CBFA2T2: variants seen among roughly 807,000 people sequenced by gnomAD.
CBFA2T2 encodes the protein CBFA2/RUNX1 partner transcriptional co-repressor 2.
Under a neutral mutation model 62.2 loss-of-function variants are expected in CBFA2T2, and 11 were observed. That is an observed-to-expected ratio of 0.18 (90% CI 0.11 to 0.29). The LOEUF (loss-of-function observed/expected upper bound fraction) is 0.29, where lower values mean the gene tolerates loss of function less well. CBFA2T2 is among the 10% of genes least tolerant of loss of function. CBFA2T2 has a pLI of 1.00. For missense variants in CBFA2T2, 592 were observed against 774.1 expected (o/e 0.76, Z 2.79); for synonymous variants, 295 against 287.5 (o/e 1.03, Z -0.27).
intron 1 of CBFA2T2, among the ~76,000 whole-genome samples, chr20:33,524,518 C>G (rs969011968): frequency 2.0e-5 from 3 of 152,074 alleles, no homozygotes; most frequent in African/African-American, 4.8e-5. Flanking sequence ...TTTCTTGGAA[C>G]TTGCCTAGAT....
chr20:33,582,850 G>A (rs1255649497), intron 1 of CBFA2T2, among the ~76,000 whole-genome samples: 1 of 152,062 alleles, frequency 6.6e-6, no homozygotes. Flanking sequence ...CCTGAGGCAG[G>A]AGAATCACTT....
intron 1 of CBFA2T2, among the ~76,000 whole-genome samples, chr20:33,583,166 A>G (rs935846412): frequency 6.6e-6 from 1 of 152,182 alleles, no homozygotes; most frequent in Non-Finnish European, 1.5e-5. Context: ...CAGAATGTGC[A>G]TTGTTTTTAT....
intron 1 of CBFA2T2, among the ~76,000 whole-genome samples, chr20:33,526,018 A>G (rs2011875677): frequency 6.6e-6 from 1 of 152,140 alleles, no homozygotes; most frequent in Admixed American, 6.6e-5. Context: ...GCCTTCAAGT[A>G]TAATGCTGAA....
In CBFA2T2 at chr20:33,648,663, C is replaced by T. The variant is rs1223571392; in HGVS notation, c.*4017C>T. 4 of 152,194 alleles carry T rather than the reference C, an allele frequency of 2.6e-5. No individual in the cohort carries two copies. The highest frequency in any genetic ancestry group is 9.7e-5 in the African/African-American group (4 of 41,442). 9.4% of individuals were successfully genotyped at this position (152,194 alleles called of 1,614,324 possible). A position where few individuals can be genotyped will look rare whatever the true frequency, so the allele number is the denominator to read the frequency against. ...TGCGTAGATTATTTCTAGGGCAGTGCTGGGTTAGAAATGTCTGTCTGGAAA... is the reference window on the plus strand; with the variant it reads ...TGCGTAGATTATTTCTAGGGCAGTGTTGGGTTAGAAATGTCTGTCTGGAAA... On this transcript the variant is annotated 3_prime_UTR_variant, in exon 11 of 11. Transcript: ENST00000342704.
chr20:33,557,930 G>A (rs1020044769), intron 1 of CBFA2T2, among the ~76,000 whole-genome samples: 11 of 151,392 alleles, frequency 7.3e-5, no homozygotes, highest in Admixed American at 5.9e-4. Flanking sequence ...CCGCCTACTG[G>A]GTTCAAGTGA....
chr20:33,494,246 TATATATATATATATATATATATATA>T (rs1289962291), intron 1 of CBFA2T2, among the ~76,000 whole-genome samples: 2 of 21,128 alleles, frequency 9.5e-5, no homozygotes, highest in African/African-American at 2.8e-4. Context: ...TATATGTGTA[TATATATATATATATATATATATATA>T]TATTTTTTTT....
At chr20:33,492,983 CCT>C (rs1233677201) in intron 1 of CBFA2T2, among the ~76,000 whole-genome samples, 2 of 151,358 alleles carry the variant, frequency 1.3e-5, no homozygotes, top group African/African-American at 4.9e-5. Context: ...GGGCTCCTGA[CCT>C]CAAGTGATCT....
At chr20:33,615,633 A>G (rs549892772) in intron 3 of CBFA2T2, among the ~76,000 whole-genome samples, 1 of 152,238 alleles carries the variant, frequency 6.6e-6, no homozygotes, top group Admixed American at 6.5e-5. Context: ...AACAAAAATA[A>G]TTAGAGTCTT....
At chr20:33,490,462 C>G (rs2011138262) in intron 1 of CBFA2T2, among the ~76,000 whole-genome samples, 161 bp downstream of exon 1, 1 of 152,118 alleles carries the variant, frequency 6.6e-6, no homozygotes, top group Non-Finnish European at 1.5e-5. Context: ...CGGGCCTTCC[C>G]GGGCTCCTGA....
intron 1 of CBFA2T2, among the ~76,000 whole-genome samples, chr20:33,529,319 C>T (rs1390439882): frequency 6.6e-6 from 1 of 152,086 alleles, no homozygotes; most frequent in Non-Finnish European, 1.5e-5. Flanking sequence ...GCCACCGCGC[C>T]CAGTGCACCA....
intron 7 of CBFA2T2, 27 bp downstream of exon 7, chr20:33,628,462 CCTAA>C (rs2016332668): frequency 6.7e-7 from 1 of 1,484,348 alleles, no homozygotes; most frequent in African/African-American, 1.4e-5. Flanking sequence ...GTGTAATGTC[CCTAA>C]CTCTTTATTA....
At chr20:33,519,477 A>G (rs1414182091) in intron 1 of CBFA2T2, among the ~76,000 whole-genome samples, 1 of 152,048 alleles carries the variant, frequency 6.6e-6, no homozygotes, top group Non-Finnish European at 1.5e-5. Context: ...CTCAGAAAAT[A>G]AATAAATTAT....
intron 1 of CBFA2T2, among the ~76,000 whole-genome samples, chr20:33,519,749 C>T (rs2011679645): frequency 6.6e-6 from 1 of 152,090 alleles, no homozygotes; most frequent in Non-Finnish European, 1.5e-5. Flanking sequence ...TCTTCATTTT[C>T]AGCAGCAGGG....
intron 1 of CBFA2T2, among the ~76,000 whole-genome samples, chr20:33,524,588 A>T (rs1020739901): frequency 6.6e-6 from 1 of 152,110 alleles, no homozygotes; most frequent in African/African-American, 2.4e-5. Context: ...TTTTGTTGCA[A>T]TTTATTTTTA....
chr20:33,560,108 G>T (rs2013034813), intron 1 of CBFA2T2, among the ~76,000 whole-genome samples: 1 of 152,264 alleles, frequency 6.6e-6, no homozygotes, highest in East Asian at 1.9e-4. Context: ...TAATTCTGAG[G>T]TGCCTTAGTT....
At chr20:33,623,683 A>C (rs2016089816) in intron 5 of CBFA2T2, 4 of 648,358 alleles carry the variant, frequency 6.2e-6, no homozygotes, top group Non-Finnish European at 1.1e-5. Flanking sequence ...CAACCTCCCA[A>C]AGTGCTGGGA....
In CBFA2T2 at chr20:33,534,751, CTTTTTT is replaced by C. The variant is rs11167206; in HGVS notation, c.34+44466_34+44471del. On this transcript the variant is annotated intron_variant, in intron 1 of 10. Coordinates refer to ENST00000342704, the MANE Select transcript of CBFA2T2 (RefSeq NM_001032999.3). ...AAAAAGATTTTTTGTATCTTTTTAG[CTTTTTT>C]TTTTTTTTTTTTTTTGAGCAGTCAG... Among the ~76,000 whole-genome samples the C allele has an allele frequency of 9.6e-3, 896 of 92,966 alleles. 15 individuals carry two copies. The highest frequency in any genetic ancestry group is 0.036 in the African/African-American group (863 of 24,034). The allele number at this position is 92,966 out of a possible 152,430, so 61.0% of individuals were successfully genotyped here.
chr20:33,590,020 A>T (rs2014545083), intron 1 of CBFA2T2, among the ~76,000 whole-genome samples: 2 of 152,026 alleles, frequency 1.3e-5, no homozygotes, highest in African/African-American at 4.8e-5. Context: ...TGTGAGGCCA[A>T]GGTGGCAGGA....
intron 5 of CBFA2T2, among the ~76,000 whole-genome samples, chr20:33,623,614 G>A (rs1404114146): frequency 6.6e-6 from 1 of 151,560 alleles, no homozygotes; most frequent in African/African-American, 2.4e-5. Flanking sequence ...GAGAGATGAG[G>A]TTTTACCATG....
Sources: gnomAD v4.1 joint callset for allele counts (sites outside exome capture counted in the v4.1 genomes callset) on GRCh38, gnomAD v4.1.1 for gene constraint, MANE v1.5 for transcripts, NCBI Gene and HGNC (gene_info 2026-07-23, HGNC 2026-07-21) for gene names.